The following TENT4B variants were observed in gnomAD, a reference collection of about 807,000 sequenced individuals.
TENT4B encodes the protein terminal nucleotidyltransferase 4B.
In TENT4B, 10 loss-of-function variants were observed where a neutral mutation model predicts 75.0. That is an observed-to-expected ratio of 0.13 (90% CI 0.08 to 0.23). The LOEUF (loss-of-function observed/expected upper bound fraction) is 0.23. Among genes scored for constraint, TENT4B ranks in the 10% least tolerant of loss-of-function variants. TENT4B has a pLI of 1.00. For synonymous variants in TENT4B, 350 were observed against 357.7 expected (o/e 0.98, Z 0.24); for missense variants, 579 against 893.8 (o/e 0.65, Z 4.49).
rs369204739 is a variant in TENT4B at position 50,229,302 on chromosome 16, G to A, written c.2116G>A (p.Ala706Thr). The change falls in exon 12 of 12, where the codon GCG (alanine) becomes ACG (threonine). Residue 706 changes from alanine to threonine, a missense_variant. This residue lies in a region of TENT4B where 164 missense variants were observed against 226.5 expected (regional missense o/e 0.72). Transcript: ENST00000561678. ...HGKKRKHKRD[A>T]PLSDLCR Reference sequence around the variant, plus strand: ...CAAAAAGAGGAAACACAAGAGGGACGCGCCCCTCTCAGACCTCTGTAGATA... The same window carrying A: ...CAAAAAGAGGAAACACAAGAGGGACACGCCCCTCTCAGACCTCTGTAGATA... The A allele has an allele frequency of 7.5e-5, 121 of 1,613,514 alleles. No homozygotes were observed. Among genetic ancestry groups the A allele is most frequent in the Non-Finnish European group, 9.6e-5 (113 of 1,179,754 alleles).
chr16:50,220,213 C>A (rs2031762948), intron 5 of TENT4B, among the ~76,000 whole-genome samples: 1 of 151,768 alleles, frequency 6.6e-6, no homozygotes, highest in South Asian at 2.1e-4. Context: ...GGTCTCAAAC[C>A]CTGACCTCAG....
intron 1 of TENT4B, among the ~76,000 whole-genome samples, chr16:50,167,374 G>A (rs1244014820): frequency 6.7e-6 from 1 of 149,056 alleles, no homozygotes; most frequent in Non-Finnish European, 1.5e-5. Context: ...GATATTTATC[G>A]CATGCTGTGG....
chr16:50,174,729 C>T (rs899102648), intron 1 of TENT4B, among the ~76,000 whole-genome samples: 18 of 148,604 alleles, frequency 1.2e-4, no homozygotes, highest in South Asian at 6.4e-4. Context: ...ATCAGCTCCC[C>T]GTCTCCCCTA....
At chr16:50,163,099 T>G (rs1178567456) in intron 1 of TENT4B, among the ~76,000 whole-genome samples, 56 of 152,242 alleles carry the variant, frequency 3.7e-4, no homozygotes, top group Non-Finnish European at 1.0e-4. Flanking sequence ...ACTGGCCCTT[T>G]GTAGTCACTG....
chr16:50,176,208 T>C (rs1244713810), intron 1 of TENT4B, among the ~76,000 whole-genome samples: 10 of 151,640 alleles, frequency 6.6e-5, no homozygotes, highest in African/African-American at 2.4e-4. Flanking sequence ...CACCTCAGCC[T>C]CCCAAGCAGC....
intron 2 of TENT4B, 69 bp from the exon 3 acceptor site, chr16:50,214,152 T>A: frequency 8.2e-7 from 1 of 1,224,326 alleles, no homozygotes; most frequent in South Asian, 1.3e-5. Flanking sequence ...TTTCTCCATA[T>A]CTTGGTGACT....
intron 1 of TENT4B, among the ~76,000 whole-genome samples, chr16:50,186,903 T>A (rs986843497): frequency 2.0e-5 from 3 of 151,994 alleles, no homozygotes; most frequent in African/African-American, 7.2e-5. Context: ...TTATTTTCAT[T>A]TATTTTTCTT....
Position 50,211,450 on chromosome 16 carries a change from A to C in TENT4B, c.762+4A>C. 6.4e-7 allele frequency: 1 copy of C among 1,570,240 alleles called. No individual in the cohort carries two copies. The highest frequency in any genetic ancestry group is 8.6e-7 in the Non-Finnish European group (1 of 1,166,876). On this transcript the variant is annotated splice_donor_region_variant and intron_variant, in intron 2 of 11. Coordinates refer to ENST00000561678, the MANE Select transcript of TENT4B (RefSeq NM_001365324.3). The stretch of plus-strand genomic sequence containing the variant: ...GGAGCTCTGGCCCAGCGCTGACGTG[A>C]GTCCCTTCCTGGGTAGCTTATGCTT...
chr16:50,178,276 A>G (rs2038347614), intron 1 of TENT4B, among the ~76,000 whole-genome samples: 1 of 150,948 alleles, frequency 6.6e-6, no homozygotes. Context: ...GGCAACATAT[A>G]GAGACTTCAC....
chr16:50,226,150 C>G (rs888749757), intron 10 of TENT4B, among the ~76,000 whole-genome samples: 13 of 151,930 alleles, frequency 8.6e-5, no homozygotes, highest in African/African-American at 3.1e-4. Flanking sequence ...CAGGCATGTG[C>G]CACCACACCC....
intron 1 of TENT4B, among the ~76,000 whole-genome samples, chr16:50,201,148 A>G (rs1244176811): frequency 6.6e-6 from 1 of 152,182 alleles, no homozygotes; most frequent in Admixed American, 6.5e-5. Flanking sequence ...AGGACCTCAT[A>G]AAAGTCAGTC....
rs576865862 is a variant in TENT4B, at chr16:50,235,095, G to A, written c.*5767G>A. On this transcript the variant is annotated 3_prime_UTR_variant, in exon 12 of 12. Coordinates refer to ENST00000561678, the MANE Select transcript of TENT4B (RefSeq NM_001365324.3). ...AGAAATCTCAACATTTCCTGAGGCC[G>A]TATCACTGGGCAACCAGTGATGAAA... 299 of 932,256 alleles carry A rather than the reference G, an allele frequency of 3.2e-4. No homozygotes were observed. Among genetic ancestry groups the A allele is most frequent in the Admixed American group, 1.3e-3 (21 of 16,202 alleles). 57.7% of individuals were successfully genotyped at this position (932,256 alleles called of 1,614,324 possible).
Position 50,229,257 on chromosome 16 carries a change from A to G in TENT4B, c.2071A>G (p.Asn691Asp). ...MTNKQHQGKS[N>D]NQYYHGKKRK... Reference sequence around the variant, plus strand: ...AAACAAACAACATCAAGGCAAATCCAATAATCAGTATTACCATGGCAAAAA... The same window carrying G: ...AAACAAACAACATCAAGGCAAATCCGATAATCAGTATTACCATGGCAAAAA... Residue 691 changes from asparagine (N) to aspartate (D), a missense_variant, in exon 12 of 12, where the codon AAT (asparagine) becomes GAT (aspartate). Around this residue, in one of 7 missense-constraint regions of TENT4B, gnomAD observed 164 missense variants for 226.5 expected, o/e 0.72. Coordinates refer to ENST00000561678, the MANE Select transcript of TENT4B (RefSeq NM_001365324.3). 6.2e-7 allele frequency: 1 copy of G among 1,614,016 alleles called. No homozygotes were observed. The highest frequency in any genetic ancestry group is 8.5e-7 in the Non-Finnish European group (1 of 1,179,900).
At chr16:50,169,103 GT>G (rs2038156793) in intron 1 of TENT4B, among the ~76,000 whole-genome samples, 1 of 152,064 alleles carries the variant, frequency 6.6e-6, no homozygotes, top group African/African-American at 2.4e-5. Flanking sequence ...TTCCTCCATT[GT>G]CCCATAATAA....
chr16:50,190,085 AAAAAAAAAC>A (rs1395792532), intron 1 of TENT4B, among the ~76,000 whole-genome samples: 12 of 121,864 alleles, frequency 9.8e-5, no homozygotes, highest in Non-Finnish European at 9.1e-5. Context: ...CAAAAAAAAA[AAAAAAAAAC>A]AAAGAAAAGA....
At chr16:50,167,661 G>T (rs1567478998) in intron 1 of TENT4B, among the ~76,000 whole-genome samples, 1 of 67,194 alleles carries the variant, frequency 1.5e-5, no homozygotes. Flanking sequence ...ACATTTTGAG[G>T]TTTTTTTGTT....
In TENT4B at chr16:50,233,426, A is replaced by C. The variant is rs1325495281; in HGVS notation, c.*4098A>C. Reference sequence around the variant, plus strand: ...TAGAAGTTATTTACATGATTTGAAAACTTGACCTAACTGGAAGCCTTTTTC... The same window carrying C: ...TAGAAGTTATTTACATGATTTGAAACCTTGACCTAACTGGAAGCCTTTTTC... On this transcript the variant is annotated 3_prime_UTR_variant, in exon 12 of 12. Coordinates refer to ENST00000561678, the MANE Select transcript of TENT4B (RefSeq NM_001365324.3). 1.0e-6 allele frequency: 1 copy of C among 985,216 alleles called. No individual in the cohort carries two copies. Among genetic ancestry groups the C allele is most frequent in the Non-Finnish European group, 1.2e-6 (1 of 829,918 alleles). 61.0% of individuals were successfully genotyped at this position (985,216 alleles called of 1,614,324 possible).
chr16:50,168,405 A>G (rs1032462573), intron 1 of TENT4B, among the ~76,000 whole-genome samples: 1 of 150,366 alleles, frequency 6.7e-6, no homozygotes, highest in African/African-American at 2.5e-5. Flanking sequence ...GTTTCAAGAG[A>G]TTCTTCTGCC....
intron 3 of TENT4B, among the ~76,000 whole-genome samples, chr16:50,215,584 C>G (rs558984445): frequency 6.6e-6 from 1 of 152,116 alleles, no homozygotes; most frequent in Non-Finnish European, 1.5e-5. Context: ...TTGGAACAGC[C>G]GCTTTTACCA....
Sources: allele counts gnomAD v4.1 joint callset (sites outside exome capture counted in the v4.1 genomes callset), GRCh38; gene constraint gnomAD v4.1.1; regional missense constraint gnomAD v4.1.1; transcripts MANE v1.5; gene names NCBI Gene and HGNC (gene_info 2026-07-23, HGNC 2026-07-21).